Variants in ITGAE observed in about 807,000 individuals in gnomAD.
The protein encoded by ITGAE is integrin alpha-E.
Under a neutral mutation model 136.5 loss-of-function variants are expected in ITGAE, and 99 were observed. The observed-to-expected ratio is 0.73, with a 90% CI of 0.62 to 0.86. ITGAE has a LOEUF of 0.86. Ranked by LOEUF, ITGAE falls within the 40% of genes least tolerant of loss-of-function variation. ITGAE has a pLI of 0.00. For synonymous variants in ITGAE, 613 were observed against 591.8 expected (o/e 1.04, Z -0.52); for missense variants, 1,447 against 1,515.3 (o/e 0.95, Z 0.75).
intron 26 of ITGAE, chr17:3,725,041 C>T (rs753985422): frequency 6.2e-7 from 1 of 1,614,240 alleles, no homozygotes; most frequent in East Asian, 2.2e-5. Context: ...TCGTTCCCCA[C>T]CCAGGACCTG....
chr17:3,756,224 C>CTTT lies in ITGAE; in HGVS notation c.1172-330_1172-328dup, dbSNP rs398041526. Among the ~76,000 whole-genome samples, 13 of 95,038 alleles carry CTTT rather than the reference C, an allele frequency of 1.4e-4. 3 individuals are homozygous for CTTT. The highest frequency in any genetic ancestry group is 3.2e-4 in the African/African-American group (8 of 25,134). 62.3% of individuals were successfully genotyped at this position (95,038 alleles called of 152,430 possible). A position where few individuals can be genotyped will look rare whatever the true frequency, so the allele number is the denominator to read the frequency against. ...AAGGAGGCCTGGGGATATTGTTGGC[C>CTTT]TTTTTTTTTTTTTTTTTTTTTTTTT... On this transcript the variant is annotated intron_variant, in intron 10 of 30. Coordinates refer to ENST00000263087, the MANE Select transcript of ITGAE (RefSeq NM_002208.5).
chr17:3,770,895 G>A (rs2052405295), intron 2 of ITGAE, among the ~76,000 whole-genome samples: 1 of 152,122 alleles, frequency 6.6e-6, no homozygotes. Flanking sequence ...CTGAGGCGTG[G>A]GGTCGCTGGG....
chr17:3,789,681 T>G (rs6502745), intron 1 of ITGAE, among the ~76,000 whole-genome samples: 126,702 of 151,820 alleles, frequency 0.83, 53,908 homozygotes, highest in African/African-American at 0.94. Flanking sequence ...TTGTATTTTT[T>G]GTAGAGATGG....
chr17:3,749,968 A>T (rs1354497194), intron 16 of ITGAE, among the ~76,000 whole-genome samples: 1 of 152,224 alleles, frequency 6.6e-6, no homozygotes, highest in South Asian at 2.1e-4. Flanking sequence ...GTGAACCAAG[A>T]TTACACCACT....
intron 1 of ITGAE, among the ~76,000 whole-genome samples, chr17:3,795,519 C>G (rs1400732618): frequency 6.6e-6 from 1 of 152,166 alleles, no homozygotes; most frequent in Non-Finnish European, 1.5e-5. Context: ...CATGGCCCGT[C>G]GGAAGATTGA....
chr17:3,781,808 T>C (rs557600187), intron 1 of ITGAE, among the ~76,000 whole-genome samples: 1 of 152,322 alleles, frequency 6.6e-6, no homozygotes, highest in East Asian at 1.9e-4. Context: ...AGTTTGGAAA[T>C]GCTACCTTTA....
intron 1 of ITGAE, among the ~76,000 whole-genome samples, chr17:3,786,023 C>T (rs7219828): frequency 0.098 from 14,813 of 151,522 alleles, 2,303 homozygotes; most frequent in African/African-American, 0.34. Context: ...AAAAATTAGC[C>T]GGGCGTGGTG....
chr17:3,723,960 G>A, intron 26 of ITGAE: 1 of 1,570,290 alleles, frequency 6.4e-7, no homozygotes, highest in Non-Finnish European at 8.6e-7. Context: ...CCCGGGACCT[G>A]GGAGCCGGCT....
chr17:3,751,257 G>A (rs1465133143), intron 15 of ITGAE, among the ~76,000 whole-genome samples: 1 of 151,898 alleles, frequency 6.6e-6, no homozygotes, highest in Non-Finnish European at 1.5e-5. Flanking sequence ...GGCTGGCAAG[G>A]GAGCCCTGGG....
intron 2 of ITGAE, among the ~76,000 whole-genome samples, chr17:3,772,573 C>T (rs953478622): frequency 6.6e-6 from 1 of 151,756 alleles, no homozygotes; most frequent in African/African-American, 2.4e-5. Context: ...ATGCCATTCT[C>T]CTGCCTCAGC....
In ITGAE at chr17:3,761,915, C is replaced by T. The variant is rs549974784; in HGVS notation, c.315G>A (p.Leu105=). Residue 105 remains leucine, a splice_region_variant and synonymous_variant, in exon 4 of 31, where the codon TTG becomes TTA. Coordinates refer to ENST00000263087, the MANE Select transcript of ITGAE (RefSeq NM_002208.5). ...VTVVRSHHGV[L]ICIQVLVRRP... The stretch of plus-strand genomic sequence containing the variant: ...TCCCTCCTCTCGCTCCTGCACTCAC[C>T]AAAACACCGTGGTGGCTCCGGACAA... The T allele has an allele frequency of 1.9e-6, 3 of 1,613,814 alleles. No homozygotes were observed. In the East Asian group the frequency reaches 6.7e-5, roughly 36 times the overall value.
At chr17:3,720,220 G>C in intron 29 of ITGAE, 87 bp downstream of exon 29, 2 of 684,766 alleles carry the variant, frequency 2.9e-6, no homozygotes, top group South Asian at 3.3e-5. Context: ...CTGAAAACAG[G>C]AAGAGGGCAA....
At chr17:3,715,483 T>C (rs1262282187) in intron 30 of ITGAE, among the ~76,000 whole-genome samples, 2 of 152,152 alleles carry the variant, frequency 1.3e-5, no homozygotes, top group Non-Finnish European at 2.9e-5. Flanking sequence ...TGAGCAGTCA[T>C]GGAGGGCATT....
chr17:3,739,994 G>T, intron 19 of ITGAE, 116 bp from the exon 20 acceptor site: 1 of 792,054 alleles, frequency 1.3e-6, no homozygotes, highest in Non-Finnish European at 2.2e-6. Flanking sequence ...ACCCTGAGAA[G>T]TGCAGTTACA....
chr17:3,762,026 G>A lies in ITGAE; in HGVS notation c.248-44C>T, dbSNP rs1352309958. 7 of 1,558,846 alleles carry A rather than the reference G, an allele frequency of 4.5e-6. No homozygotes were observed. The South Asian group carries it at 6.8e-5, about 15-fold the overall frequency. ...GGTGAGGAGGAGGAGGGGACTCTGG[G>A]AGGCAGAGACCCGAAGCCAAGGTCA... is the stretch of plus-strand genomic sequence containing the variant. On this transcript the variant is annotated intron_variant, in intron 3 of 30. Transcript: ENST00000263087.
chr17:3,783,134 CTTTA>C (rs1237351997), intron 1 of ITGAE, among the ~76,000 whole-genome samples: 1 of 151,992 alleles, frequency 6.6e-6, no homozygotes, highest in Non-Finnish European at 1.5e-5. Flanking sequence ...TTTGCTATGA[CTTTA>C]TTTTTTATTT....
At chr17:3,741,109 GCT>G (rs1567524253) in intron 19 of ITGAE, among the ~76,000 whole-genome samples, 1 of 117,848 alleles carries the variant, frequency 8.5e-6, no homozygotes, top group East Asian at 2.4e-4. Flanking sequence ...ACGGAGTCTC[GCT>G]CTGTCGCCCA....
intron 1 of ITGAE, among the ~76,000 whole-genome samples, chr17:3,800,250 C>T (rs754682501): frequency 2.0e-5 from 3 of 152,194 alleles, no homozygotes; most frequent in Admixed American, 1.3e-4. Context: ...ATCCCAAGTC[C>T]CCTCCCAGCA....
At chr17:3,775,555 G>C (rs1238750001) in intron 2 of ITGAE, among the ~76,000 whole-genome samples, 1 of 151,958 alleles carries the variant, frequency 6.6e-6, no homozygotes, top group Non-Finnish European at 1.5e-5. Context: ...CACCTCCTGG[G>C]TTCAAGCAAT....
Sources: allele counts gnomAD v4.1 joint callset (sites outside exome capture counted in the v4.1 genomes callset), GRCh38; gene constraint gnomAD v4.1.1; transcripts MANE v1.5; gene names NCBI Gene and HGNC (gene_info 2026-07-23, HGNC 2026-07-21).